Variants in CCDC175 observed in about 807,000 individuals in gnomAD.
The protein encoded by CCDC175 is coiled-coil domain containing 175, also known as coiled-coil domain-containing protein 175.
A neutral mutation model predicts 114.6 loss-of-function variants in CCDC175; 100 were observed. The ratio of observed to expected loss-of-function variants is 0.87; its 90% CI spans 0.74 to 1.03. The LOEUF is 1.03. CCDC175 is among the 50% of genes least tolerant of loss of function. The pLI is 0.00. For synonymous variants in CCDC175, 306 were observed against 308.7 expected (o/e 0.99, Z 0.09); for missense variants, 880 against 917.8 (o/e 0.96, Z 0.53).
chr14:59,522,385 T>C (rs1321898034), intron 16 of CCDC175, among the ~76,000 whole-genome samples: 1 of 152,238 alleles, frequency 6.6e-6, no homozygotes, highest in East Asian at 1.9e-4. Flanking sequence ...GCGTGTATTA[T>C]AGGGTCTACT....
chr14:59,573,529 C>G (rs1224864714), intron 2 of CCDC175, among the ~76,000 whole-genome samples: 2 of 151,756 alleles, frequency 1.3e-5, no homozygotes, highest in African/African-American at 2.4e-5. Context: ...TAATGTGGTC[C>G]TTTTGCTTAT....
intron 2 of CCDC175, 55 bp from the exon 3 acceptor site, chr14:59,572,868 A>T: frequency 9.3e-7 from 1 of 1,074,022 alleles, no homozygotes; most frequent in Non-Finnish European, 1.3e-6. Context: ...AGTAAGATTG[A>T]TTTCCTAAAC....
At chr14:59,541,898 T>C (rs1275938254) in intron 10 of CCDC175, among the ~76,000 whole-genome samples, 1 of 152,154 alleles carries the variant, frequency 6.6e-6, no homozygotes, top group Admixed American at 6.5e-5. Flanking sequence ...CCTCTTTTAT[T>C]AGTAGTTCGT....
intron 17 of CCDC175, among the ~76,000 whole-genome samples, chr14:59,516,240 A>T (rs1015095915): frequency 1.3e-5 from 2 of 152,224 alleles, no homozygotes; most frequent in Admixed American, 1.3e-4. Context: ...TGACACCCTA[A>T]CATCACAATT....
chr14:59,516,720 A>G (rs1019463879), intron 17 of CCDC175, among the ~76,000 whole-genome samples: 9 of 152,214 alleles, frequency 5.9e-5, no homozygotes, highest in South Asian at 2.1e-4. Flanking sequence ...ATGGATTCCC[A>G]GCCGAATTCT....
chr14:59,563,097 G>A (rs757732933), intron 6 of CCDC175, among the ~76,000 whole-genome samples: 4 of 151,986 alleles, frequency 2.6e-5, no homozygotes, highest in Non-Finnish European at 4.4e-5. Flanking sequence ...AAGTTAACAG[G>A]CATTTTTGTT....
intron 19 of CCDC175, among the ~76,000 whole-genome samples, chr14:59,507,334 A>G (rs913290084): frequency 1.2e-4 from 19 of 152,152 alleles, no homozygotes; most frequent in Admixed American, 6.6e-4. Context: ...AATCCAATGT[A>G]TTTTCATCAG....
At chr14:59,558,383 G>A (rs1312437567) in intron 7 of CCDC175, among the ~76,000 whole-genome samples, 3 of 152,326 alleles carry the variant, frequency 2.0e-5, no homozygotes, top group South Asian at 2.1e-4. Flanking sequence ...TCATGTAGAA[G>A]GCTCTGGTGG....
rs1403565532 is a variant in CCDC175, at chr14:59,554,322, C to T, written c.954-2886G>A. ...CAGGATTAAGAAACTCACTTAAAAC[C>T]GCTCAACTACATGGAAACTGAACAA... On this transcript the variant is annotated intron_variant, in intron 7 of 19. Transcript: ENST00000537690. Among the ~76,000 whole-genome samples the T allele has an allele frequency of 9.2e-5, 14 of 152,276 alleles. No homozygotes were observed. The East Asian group carries it at 2.3e-3, about 25-fold the overall frequency.
chr14:59,520,965 A>G (rs1291115736), intron 17 of CCDC175, among the ~76,000 whole-genome samples: 1 of 152,216 alleles, frequency 6.6e-6, no homozygotes, highest in Non-Finnish European at 1.5e-5. Flanking sequence ...AAATGGGTGC[A>G]TTTTTTGTAT....
In CCDC175 at chr14:59,521,635, T is replaced by C. The variant is rs763372372; in HGVS notation, c.2037A>G (p.Glu679=). The C allele has an allele frequency of 2.6e-6, 4 of 1,533,614 alleles. No homozygotes were observed. Among genetic ancestry groups the C allele is most frequent in the Non-Finnish European group, 3.5e-6 (4 of 1,143,560 alleles). ...YLKNNIEKYR[E]GQEALMHTSS... ...AGGTGTGCATGAGGGCTTCTTGTCC[T>C]TCTCTGTATTTCTCTATGTTATTCT... The change falls in exon 17 of 20, where the codon GAA becomes GAG. Residue 679 remains glutamate (E), a synonymous_variant. Transcript: ENST00000537690.
chr14:59,516,788 A>G (rs1161084357), intron 17 of CCDC175, among the ~76,000 whole-genome samples: 1 of 152,214 alleles, frequency 6.6e-6, no homozygotes, highest in Non-Finnish European at 1.5e-5. Context: ...CAATCAATAG[A>G]AAAAGAGGGA....
At chr14:59,519,751 T>TC (rs1893315801) in intron 17 of CCDC175, among the ~76,000 whole-genome samples, 1 of 152,160 alleles carries the variant, frequency 6.6e-6, no homozygotes, top group Admixed American at 6.5e-5. Context: ...CTATGACCCC[T>TC]CCCCTTGCAC....
At chr14:59,519,169 C>T (rs114595024) in intron 17 of CCDC175, among the ~76,000 whole-genome samples, 101 of 151,746 alleles carry the variant, frequency 6.7e-4, no homozygotes, top group African/African-American at 2.2e-3. Flanking sequence ...GGCCTGTTGT[C>T]GGTGGGTTAT....
At chr14:59,521,468 G>A in intron 17 of CCDC175, 106 bp downstream of exon 17, 2 of 629,540 alleles carry the variant, frequency 3.2e-6, no homozygotes, top group South Asian at 2.1e-5. Flanking sequence ...TTGTGATCAT[G>A]TGAGTCAGTT....
intron 11 of CCDC175, 147 bp downstream of exon 11, chr14:59,540,528 G>T: frequency 1.1e-6 from 1 of 888,752 alleles, no homozygotes; most frequent in Non-Finnish European, 1.7e-6. Flanking sequence ...AATACATCTA[G>T]ATCCGAGAGA....
At chr14:59,574,402 T>C (rs1031560710) in intron 2 of CCDC175, among the ~76,000 whole-genome samples, 1 of 152,222 alleles carries the variant, frequency 6.6e-6, no homozygotes, top group African/African-American at 2.4e-5. Flanking sequence ...TCTTTAAATA[T>C]TTCTTCAACA....
chr14:59,530,054 G>GGAAGAATGGCTGGGAAAGTA (rs1893972019), intron 14 of CCDC175, among the ~76,000 whole-genome samples: 1 of 152,134 alleles, frequency 6.6e-6, no homozygotes, highest in African/African-American at 2.4e-5. Flanking sequence ...CAAAGGGATA[G>GGAAGAATGGCTGGGAAAGTA]GAAGAATGGC....
chr14:59,536,394 T>C (rs546895831), intron 13 of CCDC175, among the ~76,000 whole-genome samples: 1 of 152,164 alleles, frequency 6.6e-6, no homozygotes, highest in South Asian at 2.1e-4. Context: ...CTGCTTGATT[T>C]TTCTCTATGC....
Sources: allele counts gnomAD v4.1 joint callset (sites outside exome capture counted in the v4.1 genomes callset), GRCh38; gene constraint gnomAD v4.1.1; transcripts MANE v1.5; gene names NCBI Gene and HGNC (gene_info 2026-07-23, HGNC 2026-07-21).